PDE4D: variants seen among roughly 807,000 people sequenced by gnomAD.
PDE4D encodes 3',5'-cyclic-AMP phosphodiesterase 4D.
In PDE4D, 24 loss-of-function variants were observed where a neutral mutation model predicts 87.4. The observed-to-expected ratio is 0.27, with a 90% CI of 0.20 to 0.39. The LOEUF (loss-of-function observed/expected upper bound fraction) is 0.39, where lower values mean the gene tolerates loss of function less well. Ranked by LOEUF, PDE4D falls within the 10% of genes least tolerant of loss-of-function variation. PDE4D has a pLI of 1.00. For missense variants in PDE4D, 714 were observed against 1,041.0 expected (o/e 0.69, Z 4.32); for synonymous variants, 384 against 383.2 (o/e 1.00, Z -0.02).
chr5:60,512,143 A>C (rs1430411674), intron 1 of PDE4D, among the ~76,000 whole-genome samples: 1 of 152,208 alleles, frequency 6.6e-6, no homozygotes, highest in Non-Finnish European at 1.5e-5. Context: ...CAAATGAGAA[A>C]GATATAAAAT....
At chr5:59,089,281 A>T (rs913103459) in intron 5 of PDE4D, among the ~76,000 whole-genome samples, 1 of 103,956 alleles carries the variant, frequency 9.6e-6, no homozygotes, top group Non-Finnish European at 1.9e-5. Flanking sequence ...CTTGGCTCTG[A>T]CTACAATACT....
chr5:59,019,870 G>GCTATCTAT (rs70973175), intron 6 of PDE4D, among the ~76,000 whole-genome samples: 350 of 150,042 alleles, frequency 2.3e-3, no homozygotes, highest in Middle Eastern at 3.5e-3. Context: ...TATATGTTTC[G>GCTATCTAT]CTATCTATCT....
At chr5:59,239,670 C>T (rs976220979) in intron 1 of PDE4D, among the ~76,000 whole-genome samples, 1 of 152,086 alleles carries the variant, frequency 6.6e-6, no homozygotes, top group African/African-American at 2.4e-5. Context: ...CCAATGGCCC[C>T]TTAGTAAAAA....
At chr5:59,524,350 T>G in intron 1 of PDE4D, among the ~76,000 whole-genome samples, 1 of 152,290 alleles carries the variant, frequency 6.6e-6, no homozygotes, top group Middle Eastern at 3.4e-3. Context: ...GAGATGGAGA[T>G]GAGGAACTTG....
intron 1 of PDE4D, among the ~76,000 whole-genome samples, chr5:59,446,999 G>A (rs1471928576): frequency 3.3e-5 from 5 of 152,160 alleles, no homozygotes; most frequent in South Asian, 2.1e-4. Flanking sequence ...CAGCATCCAT[G>A]CAGGTGCATT....
At chr5:60,308,025 G>A (rs975407636) in intron 1 of PDE4D, among the ~76,000 whole-genome samples, 3 of 152,038 alleles carry the variant, frequency 2.0e-5, no homozygotes, top group Non-Finnish European at 2.9e-5. Context: ...TGGGCAACAA[G>A]AGCAAAACTC....
intron 1 of PDE4D, among the ~76,000 whole-genome samples, chr5:59,863,606 G>A (rs16890316): frequency 0.09 from 13,688 of 152,088 alleles, 767 homozygotes; most frequent in Middle Eastern, 0.17. Context: ...AGGCATGATG[G>A]TACTTCTATC....
At chr5:60,492,179 TAATCCCAGCCCTTTAGA>T (rs1749570666), upstream of PDE4D, among the ~76,000 whole-genome samples, 1 of 149,382 alleles carries the variant, frequency 6.7e-6, no homozygotes, top group Non-Finnish European at 1.5e-5. Flanking sequence ...GCCCCTTTAG[TAATCCCAGCCCTTTAGA>T]AGGCCAAGGA....
At chr5:59,679,065 G>A (rs1748596058) in intron 1 of PDE4D, among the ~76,000 whole-genome samples, 1 of 151,774 alleles carries the variant, frequency 6.6e-6, no homozygotes, top group South Asian at 2.1e-4. Context: ...TATTCACTTA[G>A]TTTATTTTCT....
At chr5:59,628,742 A>G (rs1831200094) in intron 1 of PDE4D, among the ~76,000 whole-genome samples, 1 of 152,208 alleles carries the variant, frequency 6.6e-6, no homozygotes, top group Non-Finnish European at 1.5e-5. Context: ...GGCATATTAT[A>G]TAGGGCAAGG....
intron 1 of PDE4D, among the ~76,000 whole-genome samples, chr5:59,658,444 C>T (rs1038768828): frequency 6.6e-6 from 1 of 151,824 alleles, no homozygotes; most frequent in African/African-American, 2.4e-5. Flanking sequence ...TGCAGTGGCA[C>T]GATGTCGGCT....
chr5:59,215,510 T>C (rs1406547443), intron 2 of PDE4D: 2 of 369,146 alleles, frequency 5.4e-6, no homozygotes, highest in Non-Finnish European at 4.9e-6. Context: ...AATTTAATTC[T>C]CAGTTTTCCT....
At chr5:59,767,668 C>T (rs1219463284) in intron 1 of PDE4D, among the ~76,000 whole-genome samples, 1 of 152,174 alleles carries the variant, frequency 6.6e-6, no homozygotes, top group Non-Finnish European at 1.5e-5. Flanking sequence ...CAGCCTGCAA[C>T]TTTCTGCGTA....
chr5:59,947,076 A>G (rs764596606), intron 3 of PDE4D, among the ~76,000 whole-genome samples: 23 of 152,188 alleles, frequency 1.5e-4, no homozygotes, highest in Non-Finnish European at 3.2e-4. Flanking sequence ...AGGAAATTCT[A>G]TTTGTTGCCA....
chr5:59,919,321 A>G (rs1167164941), intron 3 of PDE4D, among the ~76,000 whole-genome samples: 1 of 152,194 alleles, frequency 6.6e-6, no homozygotes, highest in Non-Finnish European at 1.5e-5. Context: ...GCTCAAGAAT[A>G]TTATTCAGTT....
chr5:60,307,047 C>T (rs1222893807), intron 1 of PDE4D, among the ~76,000 whole-genome samples: 1 of 151,912 alleles, frequency 6.6e-6, no homozygotes, highest in African/African-American at 2.4e-5. Flanking sequence ...AACCTAATAC[C>T]ATACCTGACA....
chr5:59,788,920 A>G (rs1765473809), intron 1 of PDE4D, among the ~76,000 whole-genome samples: 1 of 152,230 alleles, frequency 6.6e-6, no homozygotes, highest in Non-Finnish European at 1.5e-5. Flanking sequence ...CTTTACAAAA[A>G]GAAAATAAAG....
At chr5:59,375,585 T>A (rs1038096008) in intron 1 of PDE4D, among the ~76,000 whole-genome samples, 33 of 152,266 alleles carry the variant, frequency 2.2e-4, no homozygotes, top group African/African-American at 7.7e-4. Flanking sequence ...CCAGACTGAT[T>A]CACAGCTGAA....
intron 2 of PDE4D, among the ~76,000 whole-genome samples, chr5:60,100,815 T>C (rs1396476): frequency 6.6e-6 from 1 of 152,038 alleles, no homozygotes; most frequent in Non-Finnish European, 1.5e-5. Context: ...TTAGGAAATA[T>C]GTTCACACAT....
Sources: allele counts gnomAD v4.1 joint callset (sites outside exome capture counted in the v4.1 genomes callset), GRCh38; gene constraint gnomAD v4.1.1; transcripts MANE v1.5; gene names NCBI Gene and HGNC (gene_info 2026-07-23, HGNC 2026-07-21).